NELL1: variants seen among roughly 807,000 people sequenced by gnomAD.
NELL1 encodes neural EGFL like 1, also known as protein kinase C-binding protein NELL1.
In NELL1, 76 loss-of-function variants were observed where a neutral mutation model predicts 107.4. That is an observed-to-expected ratio of 0.71 (90% confidence interval 0.59 to 0.86). The LOEUF (loss-of-function observed/expected upper bound fraction) is 0.86. NELL1 is among the 40% of genes least tolerant of loss of function. The pLI is 0.00. For synonymous variants in NELL1, 353 were observed against 341.2 expected, an observed-to-expected ratio of 1.03 and a Z score of -0.38; for missense variants, 1,024 against 1,005.5, an observed-to-expected ratio of 1.02 and a Z score of -0.25.
chr11:20,943,699 T>C (rs1469056427), intron 10 of NELL1, among the ~76,000 whole-genome samples: 2 of 152,150 alleles, frequency 1.3e-5, no homozygotes, highest in Admixed American at 6.5e-5. Flanking sequence ...CAAGGCCACA[T>C]AGGTAGTGAG....
Position 21,566,173 on chromosome 11 carries a change from G to T in NELL1, c.1981-4591G>T, listed in dbSNP as rs1856968284. Among the ~76,000 whole-genome samples, 3 of 151,980 alleles carry T rather than the reference G, an allele frequency of 2.0e-5. No individual in the cohort carries two copies. In the South Asian group the frequency reaches 6.2e-4, roughly 32 times the overall value. ...ACTTCATTTACAAAAACAGGCATCA[G>T]GTTGAATTTGTACCGTGGGCATCCG... On this transcript the variant is annotated intron_variant, in intron 17 of 19. Coordinates refer to ENST00000357134, the MANE Select transcript of NELL1 (RefSeq NM_006157.5).
chr11:21,001,936 A>C (rs2134274392), intron 12 of NELL1, among the ~76,000 whole-genome samples: 1 of 152,304 alleles, frequency 6.6e-6, no homozygotes, highest in South Asian at 2.1e-4. Flanking sequence ...CATTTGAATG[A>C]AGAGTGTCTG....
intron 12 of NELL1, among the ~76,000 whole-genome samples, chr11:20,984,941 T>C (rs952101161): frequency 6.6e-6 from 1 of 152,198 alleles, no homozygotes; most frequent in African/African-American, 2.4e-5. Flanking sequence ...AAATCCACAT[T>C]GGTCTGACCA....
At chr11:21,438,721 C>T (rs1853198832) in intron 15 of NELL1, among the ~76,000 whole-genome samples, 1 of 151,638 alleles carries the variant, frequency 6.6e-6, no homozygotes, top group South Asian at 2.1e-4. Context: ...CTTTCTTCTG[C>T]TTGTTTTAGA....
chr11:21,493,626 G>T (rs79757408), intron 15 of NELL1, among the ~76,000 whole-genome samples: 1 of 152,070 alleles, frequency 6.6e-6, no homozygotes, highest in East Asian at 1.9e-4. Flanking sequence ...GATTAAGAAA[G>T]GTTGATTAGT....
At chr11:21,520,687 G>A (rs1855702345) in intron 15 of NELL1, among the ~76,000 whole-genome samples, 1 of 152,130 alleles carries the variant, frequency 6.6e-6, no homozygotes, top group Admixed American at 6.6e-5. Flanking sequence ...ACTTACAACA[G>A]AGGGCCCAGT....
At chr11:21,504,973 C>T (rs1328425584) in intron 15 of NELL1, among the ~76,000 whole-genome samples, 1 of 152,166 alleles carries the variant, frequency 6.6e-6, no homozygotes, top group East Asian at 1.9e-4. Flanking sequence ...ACATCCTACA[C>T]AATAAATACC....
intron 13 of NELL1, among the ~76,000 whole-genome samples, chr11:21,139,357 T>C (rs1855814482): frequency 6.6e-6 from 1 of 152,196 alleles, no homozygotes; most frequent in Non-Finnish European, 1.5e-5. Flanking sequence ...TCCCCTCACA[T>C]CTGCATAGCT....
chr11:20,823,680 A>G (rs892313336), intron 3 of NELL1, among the ~76,000 whole-genome samples: 5 of 151,240 alleles, frequency 3.3e-5, no homozygotes, highest in Non-Finnish European at 7.4e-5. Context: ...ATAAGTTTCC[A>G]GGTGATTCTA....
chr11:20,689,701 T>G (rs1854407990), intron 2 of NELL1, among the ~76,000 whole-genome samples: 1 of 149,802 alleles, frequency 6.7e-6, no homozygotes, highest in East Asian at 1.9e-4. Flanking sequence ...GACATTTGGG[T>G]TGGTTCCAAG....
chr11:21,249,348 A>G (rs1858577946), intron 14 of NELL1, among the ~76,000 whole-genome samples: 1 of 152,154 alleles, frequency 6.6e-6, no homozygotes, highest in Non-Finnish European at 1.5e-5. Flanking sequence ...TCCCTCAGGC[A>G]TGACCACATT....
intron 12 of NELL1, among the ~76,000 whole-genome samples, chr11:20,995,004 A>G (rs12288220): frequency 0.059 from 8,903 of 152,178 alleles, 909 homozygotes; most frequent in African/African-American, 0.2. Flanking sequence ...TCAAGTGGCA[A>G]CAGGAGAGAT....
At chr11:20,981,346 T>G (rs144490796) in intron 12 of NELL1, among the ~76,000 whole-genome samples, 147 of 152,298 alleles carry the variant, frequency 9.7e-4, no homozygotes, top group Middle Eastern at 3.4e-3. Flanking sequence ...AGTCTGTTGG[T>G]ATCTCAGGCC....
intron 12 of NELL1, among the ~76,000 whole-genome samples, chr11:20,988,252 T>A (rs963710071): frequency 1.3e-5 from 2 of 152,156 alleles, no homozygotes; most frequent in African/African-American, 2.4e-5. Flanking sequence ...AAGTTCATCA[T>A]CTGAATCAGA....
intron 13 of NELL1, among the ~76,000 whole-genome samples, chr11:21,205,185 A>G (rs1218734625): frequency 6.6e-6 from 1 of 152,152 alleles, no homozygotes; most frequent in African/African-American, 2.4e-5. Flanking sequence ...AGGCAGGCAC[A>G]TTGAAGTCTG....
intron 3 of NELL1, among the ~76,000 whole-genome samples, chr11:20,845,439 A>G (rs1848686867): frequency 1.3e-5 from 2 of 152,138 alleles, no homozygotes; most frequent in South Asian, 4.1e-4. Context: ...TTCTGTGAGT[A>G]TTTCTAATTG....
chr11:20,992,011 A>G (rs1211615842), intron 12 of NELL1, among the ~76,000 whole-genome samples: 1 of 146,048 alleles, frequency 6.8e-6, no homozygotes, highest in Non-Finnish European at 1.5e-5. Context: ...AAAAAAAAAA[A>G]GTTGAAAATA....
chr11:20,778,713 T>G (rs1856797762), intron 2 of NELL1, among the ~76,000 whole-genome samples: 1 of 152,146 alleles, frequency 6.6e-6, no homozygotes, highest in Non-Finnish European at 1.5e-5. Flanking sequence ...ATATTCACTT[T>G]AAGTGGTTGT....
chr11:21,269,172 A>T (rs554654370), intron 14 of NELL1, among the ~76,000 whole-genome samples: 1 of 152,258 alleles, frequency 6.6e-6, no homozygotes, highest in South Asian at 2.1e-4. Flanking sequence ...CTGTGGGACC[A>T]CCATAGAATG....
Sources: allele counts gnomAD v4.1 joint callset (sites outside exome capture counted in the v4.1 genomes callset), GRCh38; gene constraint gnomAD v4.1.1; transcripts MANE v1.5; gene names NCBI Gene and HGNC (gene_info 2026-07-23, HGNC 2026-07-21).